GRIP1: variants seen among roughly 807,000 people sequenced by gnomAD.
GRIP1 encodes the protein glutamate receptor-interacting protein 1.
GRIP1 carries 45 observed loss-of-function variants against 129.9 expected under a neutral mutation model. The observed-to-expected ratio is 0.35, with a 90% CI of 0.27 to 0.44. The LOEUF (loss-of-function observed/expected upper bound fraction) is 0.44. Ranked by LOEUF, GRIP1 falls within the 20% of genes least tolerant of loss-of-function variation. The pLI is 1.00. For synonymous variants in GRIP1, 530 were observed against 520.8 expected, an observed-to-expected ratio of 1.02 and a Z score of -0.24; for missense variants, 1,196 against 1,396.8, an observed-to-expected ratio of 0.86 and a Z score of 2.29.
intron 1 of GRIP1, among the ~76,000 whole-genome samples, chr12:66,670,386 A>C (rs1276730063): frequency 6.6e-6 from 1 of 152,200 alleles, no homozygotes; most frequent in Admixed American, 6.5e-5. Flanking sequence ...GTCTATGCTG[A>C]TGTGGACTGC....
chr12:66,656,823 T>G lies in GRIP1; in HGVS notation c.55+22027A>C, dbSNP rs191749447. 8.2e-3 allele frequency among the ~76,000 whole-genome samples: 1,247 copies of G among 152,324 alleles called. 12 individuals carry two copies. The highest frequency in any genetic ancestry group is 0.014 in the South Asian group (68 of 4,826). ...AACCCGACCTCCTCTTCTCAGATACTTTTAAGAAATGCAGTATTTACATGA... is the reference window on the plus strand; with the variant it reads ...AACCCGACCTCCTCTTCTCAGATACGTTTAAGAAATGCAGTATTTACATGA... On this transcript the variant is annotated intron_variant, in intron 1 of 24. Transcript: ENST00000359742.
chr12:66,606,852 G>C (rs1223778595), intron 1 of GRIP1, among the ~76,000 whole-genome samples: 2 of 152,022 alleles, frequency 1.3e-5, no homozygotes, highest in Non-Finnish European at 2.9e-5. Flanking sequence ...TGAAGTATGG[G>C]GATACAGAGG....
At position 66,972,543 on chromosome 12, in the gene GRIP1, A is replaced by T. The variant is rs546882910; in HGVS notation, c.58+96507T>A. 5.9e-5 allele frequency among the ~76,000 whole-genome samples: 9 copies of T among 152,268 alleles called. No individual in the cohort carries two copies. In the South Asian group the frequency reaches 1.7e-3, roughly 28 times the overall value. On this transcript the variant is annotated intron_variant, in intron 1 of 1. Transcript: ENST00000643019. ...GAAAGCTGAATTTTTTATTTTATTTAATTTTCATTTAAATAGTCACATGTG... is the reference window on the plus strand; with the variant it reads ...GAAAGCTGAATTTTTTATTTTATTTTATTTTCATTTAAATAGTCACATGTG...
chr12:66,635,308 A>G (rs940792556), intron 1 of GRIP1, among the ~76,000 whole-genome samples: 3 of 151,798 alleles, frequency 2.0e-5, no homozygotes, highest in Non-Finnish European at 4.4e-5. Flanking sequence ...GGTCCTAGCT[A>G]CTTGCAGGGG....
intron 2 of GRIP1, among the ~76,000 whole-genome samples, chr12:66,562,381 G>C (rs1278931197): frequency 2.0e-5 from 3 of 152,250 alleles, no homozygotes; most frequent in Non-Finnish European, 4.4e-5. Flanking sequence ...ATTTTTTACA[G>C]TGCTCTGTTA....
At chr12:66,451,551 G>C (rs2058806718) in intron 11 of GRIP1, among the ~76,000 whole-genome samples, 1 of 151,554 alleles carries the variant, frequency 6.6e-6, no homozygotes, top group Admixed American at 6.6e-5. Context: ...CTATAGGTGT[G>C]TGCCACCACA....
chr12:67,053,274 G>A (rs2043377632), intron 1 of GRIP1, among the ~76,000 whole-genome samples: 1 of 152,184 alleles, frequency 6.6e-6, no homozygotes, highest in South Asian at 2.1e-4. Context: ...GGGATAAGGA[G>A]AGAAACCAAG....
In GRIP1 at chr12:66,869,889, C is replaced by T. The variant is rs78818538; in HGVS notation, c.58+199161G>A. 5.1e-3 allele frequency among the ~76,000 whole-genome samples: 771 copies of T among 152,212 alleles called. 7 individuals carry two copies. Among genetic ancestry groups the T allele is most frequent in the African/African-American group, 0.018 (740 of 41,552 alleles). Reference sequence around the variant, plus strand: ...TCTTTAACTGTGGCTGATGACAACACACAGAGTAAGACAAGATGCAGAGAG... The same window carrying T: ...TCTTTAACTGTGGCTGATGACAACATACAGAGTAAGACAAGATGCAGAGAG... On this transcript the variant is annotated intron_variant, in intron 1 of 1. Transcript: ENST00000643019.
At chr12:66,679,309 T>C (rs1177255115), upstream of GRIP1, among the ~76,000 whole-genome samples, 2 of 152,160 alleles carry the variant, frequency 1.3e-5, no homozygotes, top group Non-Finnish European at 2.9e-5. Flanking sequence ...TCAGCCACCA[T>C]CAGCCCCTTT....
chr12:66,404,584 AATTAT>A (rs1463350604), intron 16 of GRIP1, among the ~76,000 whole-genome samples: 2 of 152,160 alleles, frequency 1.3e-5, no homozygotes, highest in Non-Finnish European at 2.9e-5. Context: ...ATCTAGAGGC[AATTAT>A]ATTTATTCCT....
At chr12:66,634,499 GT>G (rs2031159985) in intron 1 of GRIP1, among the ~76,000 whole-genome samples, 1 of 152,070 alleles carries the variant, frequency 6.6e-6, no homozygotes, top group Admixed American at 6.6e-5. Context: ...TCTAAAGTTG[GT>G]TTTATTGGAA....
intron 2 of GRIP1, among the ~76,000 whole-genome samples, chr12:66,562,220 A>G (rs1265924648): frequency 6.6e-6 from 1 of 152,216 alleles, no homozygotes; most frequent in Non-Finnish European, 1.5e-5. Flanking sequence ...ACATGCATGA[A>G]AAGAAAAATG....
chr12:66,513,395 A>G (rs2060756051), intron 7 of GRIP1, among the ~76,000 whole-genome samples: 1 of 152,116 alleles, frequency 6.6e-6, no homozygotes, highest in Non-Finnish European at 1.5e-5. Context: ...AAATAGAATT[A>G]AATTTGTTGA....
At chr12:66,695,988 G>C (rs1393901458) in intron 1 of GRIP1, among the ~76,000 whole-genome samples, 1 of 152,110 alleles carries the variant, frequency 6.6e-6, no homozygotes, top group Non-Finnish European at 1.5e-5. Flanking sequence ...GGAGAAGAAA[G>C]AACTGGTAGC....
At chr12:66,455,297 C>A in intron 11 of GRIP1, 112 bp downstream of exon 11, 1 of 971,890 alleles carries the variant, frequency 1.0e-6, no homozygotes, top group South Asian at 1.3e-5. Context: ...CAGCATCTAC[C>A]TGATCACTTA....
intron 1 of GRIP1, among the ~76,000 whole-genome samples, chr12:66,998,829 T>G (rs1015609293): frequency 2.6e-5 from 4 of 152,190 alleles, no homozygotes; most frequent in African/African-American, 9.7e-5. Flanking sequence ...TCTTCCTGGC[T>G]GCATTAACAT....
chr12:66,842,121 T>C (rs1410956029), intron 1 of GRIP1, among the ~76,000 whole-genome samples: 2 of 152,048 alleles, frequency 1.3e-5, no homozygotes, highest in Non-Finnish European at 2.9e-5. Flanking sequence ...AAACTAAAAG[T>C]ATATGCCCAT....
chr12:66,914,737 C>T (rs532630892), intron 1 of GRIP1, among the ~76,000 whole-genome samples: 1 of 152,208 alleles, frequency 6.6e-6, no homozygotes, highest in South Asian at 2.1e-4. Flanking sequence ...GATCAAGAAT[C>T]CGAAACCTGA....
intron 2 of GRIP1, among the ~76,000 whole-genome samples, chr12:66,558,852 C>A (rs2062422095): frequency 6.6e-6 from 1 of 151,938 alleles, no homozygotes. Flanking sequence ...ACCCTGATAC[C>A]AAAACCAAAC....
Sources: allele counts gnomAD v4.1 joint callset (sites outside exome capture counted in the v4.1 genomes callset), GRCh38; gene constraint gnomAD v4.1.1; transcripts MANE v1.5; gene names NCBI Gene and HGNC (gene_info 2026-07-23, HGNC 2026-07-21).